The following JAK2 variants were observed in gnomAD, a reference collection of about 807,000 sequenced individuals.
The protein encoded by JAK2 is Janus kinase 2, also known as tyrosine-protein kinase JAK2.
A neutral mutation model predicts 139.3 loss-of-function variants in JAK2; 86 were observed. That is an observed-to-expected ratio of 0.62 (90% CI 0.52 to 0.74). JAK2 has a LOEUF of 0.74. JAK2 is among the 30% of genes least tolerant of loss of function. The probability of loss-of-function intolerance (pLI) is 0.00; values close to 1 mark genes in which losing one functional copy is unlikely to be tolerated. For missense variants in JAK2, 1,421 were observed against 1,360.3 expected (o/e 1.04, Z -0.70); for synonymous variants, 490 against 437.7 (o/e 1.12, Z -1.49).
chr9:5,065,419 T>C (rs1455248601), intron 9 of JAK2, among the ~76,000 whole-genome samples: 1 of 152,182 alleles, frequency 6.6e-6, no homozygotes, highest in African/African-American at 2.4e-5. Context: ...CTCCTTCTAC[T>C]GAAAGGTTCA....
In JAK2 at chr9:5,126,786, G is replaced by A; in HGVS notation, c.3394G>A (p.Gly1132Arg). The change falls in exon 25 of 25, where the codon GGA becomes AGA. Residue 1132 changes from glycine (G) to arginine (R), a missense_variant. Transcript: ENST00000381652. ...GGATCAAATAAGGGATAACATGGCT[G>A]GATGAAAGAAATGACCTTCATTCTG... ...RVDQIRDNMAG is the reference protein window; with the variant it reads ...RVDQIRDNMAR 1 of 1,595,270 alleles carries A rather than the reference G, an allele frequency of 6.3e-7. No homozygotes were observed. Among genetic ancestry groups the A allele is most frequent in the African/African-American group, 1.3e-5 (1 of 74,342 alleles).
intron 4 of JAK2, chr9:5,041,553 GAGATGGCTACGTA>G: frequency 1.9e-6 from 1 of 529,806 alleles, no homozygotes; most frequent in Non-Finnish European, 3.8e-6. Flanking sequence ...CTTCCCAGAG[GAGATGGCTACGTA>G]CCTGCACTAC....
chr9:5,045,001 T>A (rs971259426), intron 5 of JAK2, among the ~76,000 whole-genome samples: 7 of 152,222 alleles, frequency 4.6e-5, no homozygotes, highest in African/African-American at 7.2e-5. Context: ...TGTTGATACT[T>A]AGTCTAAGAG....
Position 5,015,825 on chromosome 9 carries a change from T to C in JAK2, c.-25-6138T>C, listed in dbSNP as rs561076629. ...TGGAATTCTGGGATATGAGTGTATG[T>C]TTAAGGCAGTGTGATTTCCAGTTAC... On this transcript the variant is annotated intron_variant, in intron 2 of 24. Transcript: ENST00000381652. 4.6e-5 allele frequency among the ~76,000 whole-genome samples: 7 copies of C among 152,312 alleles called. 1 individual carries two copies. In the Middle Eastern group the frequency reaches 0.01, roughly 222 times the overall value.
rs985838780 is a variant in JAK2, at chr9:5,122,437, T to C, written c.3060-567T>C. 2.0e-5 allele frequency among the ~76,000 whole-genome samples: 3 copies of C among 152,140 alleles called. No homozygotes were observed. In the East Asian group the frequency reaches 5.8e-4, roughly 29 times the overall value. On this transcript the variant is annotated intron_variant, in intron 22 of 24. Coordinates refer to ENST00000381652, the MANE Select transcript of JAK2 (RefSeq NM_004972.4). The stretch of plus-strand genomic sequence containing the variant: ...CCAATTTTTTTCTCCAGCATATTTA[T>C]ATGGATTCATTTAAAGCTTAACTTG...
intron 19 of JAK2, among the ~76,000 whole-genome samples, chr9:5,087,215 G>C (rs540493596): frequency 1.2e-4 from 19 of 152,292 alleles, no homozygotes; most frequent in African/African-American, 4.3e-4. Flanking sequence ...ACCCATGGCT[G>C]GGGAGGCCTC....
intron 2 of JAK2, among the ~76,000 whole-genome samples, chr9:5,003,738 GT>G (rs149903499): frequency 6.6e-6 from 1 of 152,056 alleles, no homozygotes; most frequent in East Asian, 1.9e-4. Flanking sequence ...GTCCACTATG[GT>G]ATTGAATAGA....
rs150425219 is a variant in JAK2 at position 5,058,064 on chromosome 9, A to C, written c.1056+2276A>C. On this transcript the variant is annotated intron_variant, in intron 8 of 24. Transcript: ENST00000381652. ...TATGTATGTATTCTGTGTCATGTAT[A>C]TACCACATTTGTTCATTCATCCATC... 6.5e-3 allele frequency among the ~76,000 whole-genome samples: 993 copies of C among 152,278 alleles called. 7 individuals are homozygous for C. Among genetic ancestry groups the C allele is most frequent in the African/African-American group, 0.022 (911 of 41,542 alleles).
chr9:5,043,605 G>A (rs980555683), intron 4 of JAK2, among the ~76,000 whole-genome samples: 3 of 152,148 alleles, frequency 2.0e-5, no homozygotes, highest in Non-Finnish European at 4.4e-5. Flanking sequence ...AGATATATAT[G>A]CAATAGAAAT....
At position 5,014,681 on chromosome 9, in the gene JAK2, G is replaced by C. The variant is rs577084997; in HGVS notation, c.-25-7282G>C. ...CAAACTTATTGACTGGTACACTTAA[G>C]ATTTGTGCATTTGATTGTATTTAGG... On this transcript the variant is annotated intron_variant, in intron 2 of 24. Coordinates refer to ENST00000381652, the MANE Select transcript of JAK2 (RefSeq NM_004972.4). Among the ~76,000 whole-genome samples the C allele has an allele frequency of 1.7e-4, 26 of 152,262 alleles. No individual in the cohort carries two copies. In the South Asian group the frequency reaches 4.3e-3, roughly 25 times the overall value.
chr9:5,023,862 CTTTAGCTTATAGTAAGAT>C (rs1822597045), intron 3 of JAK2, among the ~76,000 whole-genome samples: 1 of 151,950 alleles, frequency 6.6e-6, no homozygotes, highest in Admixed American at 6.6e-5. Context: ...ATCTCTGATC[CTTTAGCTTATAGTAAGAT>C]TTTAGCTTGT....
At chr9:5,065,904 A>G (rs1031430788) in intron 9 of JAK2, among the ~76,000 whole-genome samples, 1 of 152,210 alleles carries the variant, frequency 6.6e-6, no homozygotes, top group African/African-American at 2.4e-5. Context: ...TCTATGCTTA[A>G]TATTTATTTA....
At chr9:5,034,651 C>G (rs547560345) in intron 4 of JAK2, among the ~76,000 whole-genome samples, 2 of 151,830 alleles carry the variant, frequency 1.3e-5, no homozygotes, top group African/African-American at 4.9e-5. Flanking sequence ...GGGTACATAA[C>G]GAAATGACGG....
At chr9:5,068,304 G>C (rs1408876248) in intron 10 of JAK2, among the ~76,000 whole-genome samples, 1 of 152,078 alleles carries the variant, frequency 6.6e-6, no homozygotes, top group African/African-American at 2.4e-5. Context: ...TTAAAAATAG[G>C]TGAACAAGTT....
At chr9:5,038,540 C>T (rs190005517) in intron 4 of JAK2, among the ~76,000 whole-genome samples, 102 of 150,756 alleles carry the variant, frequency 6.8e-4, no homozygotes, top group African/African-American at 2.4e-3. Context: ...TCCAGCAATA[C>T]AGCTTGAATA....
chr9:5,003,579 C>G (rs1330060761), intron 2 of JAK2, among the ~76,000 whole-genome samples: 1 of 152,010 alleles, frequency 6.6e-6, no homozygotes, highest in Non-Finnish European at 1.5e-5. Flanking sequence ...CATCTTGTGA[C>G]TTTGCTAAAT....
chr9:5,049,236 G>A (rs967676088), intron 5 of JAK2, among the ~76,000 whole-genome samples: 2 of 152,050 alleles, frequency 1.3e-5, no homozygotes, highest in Admixed American at 1.3e-4. Context: ...CTACTACTCT[G>A]CCAATGGAAG....
chr9:5,059,151 C>A (rs970819356), intron 8 of JAK2, among the ~76,000 whole-genome samples: 1 of 152,142 alleles, frequency 6.6e-6, no homozygotes, highest in Non-Finnish European at 1.5e-5. Flanking sequence ...ATTTGTACAT[C>A]TTTGTAGCCA....
chr9:5,031,005 C>T (rs570452529), intron 4 of JAK2, among the ~76,000 whole-genome samples: 135 of 152,042 alleles, frequency 8.9e-4, no homozygotes, highest in Non-Finnish European at 1.8e-3. Context: ...CTACAAAAAC[C>T]CTTAACTAAC....
Sources: allele counts gnomAD v4.1 joint callset (sites outside exome capture counted in the v4.1 genomes callset), GRCh38; gene constraint gnomAD v4.1.1; transcripts MANE v1.5; gene names NCBI Gene and HGNC (gene_info 2026-07-23, HGNC 2026-07-21).